RYR1: variants seen among roughly 807,000 people sequenced by gnomAD.
RYR1 encodes the protein ryanodine receptor 1.
Under a neutral mutation model 583.5 loss-of-function variants are expected in RYR1, and 342 were observed. The observed-to-expected ratio is 0.59, with a 90% CI of 0.54 to 0.64. The LOEUF (loss-of-function observed/expected upper bound fraction) is 0.64. Ranked by LOEUF, RYR1 falls within the 30% of genes least tolerant of loss-of-function variation. The pLI is 0.00. For missense variants in RYR1, 6,032 were observed against 6,917.2 expected (o/e 0.87, Z 4.54); for synonymous variants, 2,791 against 2,822.5 (o/e 0.99, Z 0.35).
At chr19:38,503,372 C>G (rs1000990932) in intron 49 of RYR1, among the ~76,000 whole-genome samples, 5 of 152,144 alleles carry the variant, frequency 3.3e-5, no homozygotes, top group African/African-American at 1.2e-4. Context: ...TATTTGCACA[C>G]TGTCTCTCTT....
At chr19:38,460,320 C>T in intron 19 of RYR1, 55 bp from the exon 20 acceptor site, 1 of 1,518,332 alleles carries the variant, frequency 6.6e-7, no homozygotes, top group East Asian at 2.2e-5. Context: ...CCACTGACCA[C>T]AGACTGTCCC....
At position 38,496,530 on chromosome 19, in the gene RYR1, G is replaced by A; in HGVS notation, c.6785G>A (p.Gly2262Asp). The stretch of plus-strand genomic sequence containing the variant: ...CTGAGCTACCTGCTGGAGAACAGTG[G>A]CATCGGCCTGGGTGAGAACCCCCGA... ...DHLSYLLENS[G>D]IGLGMQGSTP... Residue 2262 changes from glycine to aspartate, a missense_variant, in exon 41 of 106, where the codon GGC becomes GAC. This residue lies in a region of RYR1 where 2,627 missense variants were observed against 2,961.3 expected (regional missense o/e 0.89). Transcript: ENST00000359596. The surrounding 1 kb of genome is among the most constrained non-coding windows in gnomAD (Gnocchi z 4.8). 1.2e-6 allele frequency: 2 copies of A among 1,613,366 alleles called. No homozygotes were observed. Among genetic ancestry groups the A allele is most frequent in the Non-Finnish European group, 1.7e-6 (2 of 1,180,024 alleles).
chr19:38,522,786 C>A (rs939382455), intron 67 of RYR1, among the ~76,000 whole-genome samples: 1 of 151,418 alleles, frequency 6.6e-6, no homozygotes, highest in African/African-American at 2.4e-5. Flanking sequence ...CCCGTCTCTA[C>A]TAAAAATACA....
chr19:38,464,617 G>C (rs568601819), intron 22 of RYR1, 22 bp from the exon 23 acceptor site: 2 of 1,560,124 alleles, frequency 1.3e-6, no homozygotes, highest in African/African-American at 1.4e-5. Flanking sequence ...GTGACCTGTC[G>C]CCTCCACTCC....
At chr19:38,536,291 G>A (rs983388948) in intron 82 of RYR1, among the ~76,000 whole-genome samples, 124 of 7,442 alleles carry the variant, frequency 0.017, 2 homozygotes, top group South Asian at 0.11. Flanking sequence ...GCCCCCCCCC[G>A]CCACCAGAAG....
chr19:38,533,827 A>G (rs1485270948), intron 78 of RYR1, among the ~76,000 whole-genome samples: 2 of 151,916 alleles, frequency 1.3e-5, no homozygotes, highest in East Asian at 1.9e-4. Context: ...AACAGCTACT[A>G]TAATTGAGAA....
intron 39 of RYR1, among the ~76,000 whole-genome samples, 189 bp downstream of exon 39, chr19:38,494,814 C>T (rs1969733889): frequency 6.6e-6 from 1 of 151,394 alleles, no homozygotes. Context: ...AGCAGCTCCG[C>T]TTCTGTGTGA....
At chr19:38,586,631 A>C in intron 105 of RYR1, 55 bp downstream of exon 105, 1 of 1,517,480 alleles carries the variant, frequency 6.6e-7, no homozygotes, top group Non-Finnish European at 9.2e-7. Context: ...CTTTAACATA[A>C]GGCCAGTCAG....
intron 39 of RYR1, among the ~76,000 whole-genome samples, chr19:38,495,894 C>G (rs1352555841): frequency 2.6e-5 from 4 of 152,170 alleles, no homozygotes; most frequent in Non-Finnish European, 4.4e-5. Flanking sequence ...TCCTGCGTAG[C>G]TGGGATTACG....
At position 38,469,394 on chromosome 19, in the gene RYR1, T is replaced by G. The variant is rs764475348; in HGVS notation, c.3646T>G (p.Cys1216Gly). The G allele has an allele frequency of 1.2e-6, 2 of 1,614,166 alleles. No individual in the cohort carries two copies. Among genetic ancestry groups the G allele is most frequent in the Admixed American group, 1.7e-5 (1 of 60,014 alleles). Residue 1216 changes from cysteine (C) to glycine (G), a missense_variant, in exon 27 of 106, where the codon TGT (cysteine) becomes GGT (glycine). By Grantham distance (159) the Cys-to-Gly change is radical. Around this residue, in one of 11 missense-constraint regions of RYR1, gnomAD observed 2,627 missense variants for 2,961.3 expected, o/e 0.89. Transcript: ENST00000359596. ...DVSSLRFFAI[C>G]GLQEGFEPFA... ...GAGCTCTCTGAGGTTCTTTGCCATCTGTGGCCTCCAGGAAGGCTTCGAGCC... is the reference window on the plus strand; with the variant it reads ...GAGCTCTCTGAGGTTCTTTGCCATCGGTGGCCTCCAGGAAGGCTTCGAGCC...
At chr19:38,503,704 C>T (rs952895753) in intron 49 of RYR1, among the ~76,000 whole-genome samples, 7 of 150,792 alleles carry the variant, frequency 4.6e-5, no homozygotes, top group African/African-American at 7.4e-5. Flanking sequence ...ACCTGGGAGG[C>T]GGAGGTTGCA....
chr19:38,500,073 C>T lies in RYR1; in HGVS notation c.7323+57C>T, dbSNP rs1213790584. On this transcript the variant is annotated intron_variant, in intron 45 of 105. Transcript: ENST00000359596. The surrounding 1 kb of genome is among the most constrained non-coding windows in gnomAD (Gnocchi z 5.9). The stretch of plus-strand genomic sequence containing the variant: ...GGAGGGCAGGCACAGCCGCTTTGAA[C>T]GCCTCATGCAGGCACTCGGTGACAC... 19 of 1,492,792 alleles carry T rather than the reference C, an allele frequency of 1.3e-5. No homozygotes were observed. The highest frequency in any genetic ancestry group is 3.4e-5 in the Admixed American group (2 of 59,138). The allele number at this position is 1,492,792 out of a possible 1,614,324, so 92.5% of individuals were successfully genotyped here.
intron 89 of RYR1, among the ~76,000 whole-genome samples, chr19:38,555,978 C>T (rs1321488848): frequency 6.6e-6 from 1 of 152,110 alleles, no homozygotes; most frequent in Non-Finnish European, 1.5e-5. Context: ...ATTCTCCTGC[C>T]TCAGCCTCCT....
At chr19:38,436,133 C>T (rs1370502981) in intron 1 of RYR1, among the ~76,000 whole-genome samples, 8 of 152,056 alleles carry the variant, frequency 5.3e-5, no homozygotes, top group African/African-American at 1.9e-4. Flanking sequence ...TGGTCTTGAA[C>T]TCCTGACCTC....
intron 63 of RYR1, 34 bp from the exon 64 acceptor site, chr19:38,514,992 C>T (rs187568260): frequency 4.7e-5 from 72 of 1,516,690 alleles, no homozygotes; most frequent in Admixed American, 3.0e-4. Flanking sequence ...GTCTTGTGAG[C>T]GCATGCCGCA....
At chr19:38,515,246 C>G in intron 64 of RYR1, 139 bp downstream of exon 64, 7 of 730,432 alleles carry the variant, frequency 9.6e-6, no homozygotes, top group Non-Finnish European at 1.7e-5. Flanking sequence ...CGGTTCCCCA[C>G]GGCGGCCGCG....
rs142517959 is a variant in RYR1, at chr19:38,543,944, GC to G, written c.12012+73del. On this transcript the variant is annotated intron_variant, in intron 87 of 105. Coordinates refer to ENST00000359596, the MANE Select transcript of RYR1 (RefSeq NM_000540.3). This position sits in a 1 kb window ranked among gnomAD's most constrained non-coding sequence, Gnocchi z 4.4. ...CCCAAGTGGTCCATTTCCAAGTCTT[GC>G]CCCTTTGGTCAGTTTGTCACCCGAG... 6.1e-3 allele frequency: 9,074 copies of G among 1,478,748 alleles called. 385 individuals carry two copies. In the African/African-American group the frequency reaches 0.1, roughly 16 times the overall value. The allele number at this position is 1,478,748 out of a possible 1,614,324, so 91.6% of individuals were successfully genotyped here. A position where few individuals can be genotyped will look rare whatever the true frequency, so the allele number is the denominator to read the frequency against.
At chr19:38,481,034 TTTAA>T (rs1179501805) in intron 31 of RYR1, among the ~76,000 whole-genome samples, 3 of 152,098 alleles carry the variant, frequency 2.0e-5, no homozygotes, top group African/African-American at 4.8e-5. Context: ...ACCTTATTTA[TTTAA>T]TTATTTATTT....
rs775895899 is a variant in RYR1 at position 38,519,282 on chromosome 19, G to A, written c.10087G>A (p.Gly3363Arg). The change falls in exon 67 of 106, where the codon GGG becomes AGG. Residue 3363 changes from glycine (G) to arginine (R), a missense_variant. Coordinates refer to ENST00000359596, the MANE Select transcript of RYR1 (RefSeq NM_000540.3). The stretch of plus-strand genomic sequence containing the variant: ...GCAGTCCCACTTCATCCCAACTATC[G>A]GGCGGCTGCGCAAGAGGGCAGGGAA... The part of the protein sequence containing the change: ...LLQSHFIPTI[G>R]RLRKRAGKVV... 10 of 1,613,964 alleles carry A rather than the reference G, an allele frequency of 6.2e-6. No homozygotes were observed. The African/African-American group carries it at 6.7e-5, about 11-fold the overall frequency.
Sources: gnomAD v4.1 joint callset for allele counts (sites outside exome capture counted in the v4.1 genomes callset) on GRCh38, gnomAD v4.1.1 for gene constraint, gnomAD v4.1.1 regional missense constraint, Gnocchi (gnomAD v3.1) non-coding constraint, MANE v1.5 for transcripts, NCBI Gene and HGNC (gene_info 2026-07-23, HGNC 2026-07-21) for gene names.